Variants in WDR93 observed in about 807,000 individuals in gnomAD.
WDR93 encodes WD repeat domain 93, also known as WD repeat-containing protein 93.
WDR93 carries 73 observed loss-of-function variants against 82.9 expected under a neutral mutation model. That is an observed-to-expected ratio of 0.88 (90% CI 0.73 to 1.07). The LOEUF is 1.07. WDR93 is among the 50% of genes least tolerant of loss of function. The probability of loss-of-function intolerance (pLI) is 0.00; values close to 1 mark genes in which losing one functional copy is unlikely to be tolerated. For synonymous variants in WDR93, 283 were observed against 300.1 expected (o/e 0.94, Z 0.59); for missense variants, 738 against 826.0 (o/e 0.89, Z 1.31).
Position 89,733,215 on chromosome 15 carries a change from G to A in WDR93, c.1540G>A (p.Glu514Lys), listed in dbSNP as rs1385531332. The A allele has an allele frequency of 3.7e-6, 6 of 1,613,306 alleles. No homozygotes were observed. The highest frequency in any genetic ancestry group is 4.2e-6 in the Non-Finnish European group (5 of 1,179,540). ...TQGPTISVLV[E>K]RPVKHLDKTI... ...AGGACCCACCATCAGTGTGCTTGTT[G>A]AGAGGTCAGTAGCTTGAGGGTGGGA... Residue 514 changes from glutamate to lysine, a missense_variant, in exon 13 of 17, where the codon GAG becomes AAG. Physicochemically the swap from Glu to Lys is moderately conservative, Grantham distance 56. Coordinates refer to ENST00000268130, the MANE Select transcript of WDR93 (RefSeq NM_020212.2).
At chr15:89,693,809 C>T (rs896585930) in intron 1 of WDR93, among the ~76,000 whole-genome samples, 2 of 152,106 alleles carry the variant, frequency 1.3e-5, no homozygotes, top group Admixed American at 6.5e-5. Flanking sequence ...TTGTTTTGAC[C>T]TAAGGGCAAT....
At chr15:89,699,407 G>C (rs928094129) in intron 1 of WDR93, among the ~76,000 whole-genome samples, 1 of 139,200 alleles carries the variant, frequency 7.2e-6, no homozygotes, top group Non-Finnish European at 1.6e-5. Flanking sequence ...TTGTTCCTCT[G>C]TACATGGGAT....
chr15:89,691,394 A>C (rs12232350), intron 1 of WDR93, among the ~76,000 whole-genome samples: 97,623 of 152,130 alleles, frequency 0.64, 32,062 homozygotes, highest in Non-Finnish European at 0.71. Context: ...ACTCCGTGGC[A>C]GTAATTTTAT....
chr15:89,701,230 G>A (rs899609203), intron 1 of WDR93, among the ~76,000 whole-genome samples: 7 of 152,172 alleles, frequency 4.6e-5, no homozygotes, highest in South Asian at 2.1e-4. Flanking sequence ...CAGCAGCAGC[G>A]GGAAAGGAGA....
At chr15:89,737,764 C>A (rs1567132329) in intron 15 of WDR93, 35 bp downstream of exon 15, 4 of 1,612,590 alleles carry the variant, frequency 2.5e-6, no homozygotes, top group Non-Finnish European at 3.4e-6. Flanking sequence ...GCCCACTGAC[C>A]ATTTCCCTGA....
At chr15:89,730,439 C>T (rs975360029) in intron 11 of WDR93, among the ~76,000 whole-genome samples, 2 of 152,096 alleles carry the variant, frequency 1.3e-5, no homozygotes, top group African/African-American at 4.8e-5. Context: ...AGTCGCTTCA[C>T]ACCCCAACCC....
rs16974173 is a variant in WDR93 at position 89,702,982 on chromosome 15, C to T, written c.336C>T (p.Ser112=). Residue 112 remains serine, a synonymous_variant, in exon 3 of 17, where the codon TCC becomes TCT. Coordinates refer to ENST00000268130, the MANE Select transcript of WDR93 (RefSeq NM_020212.2). ...AAATGCCAAATTGTATGGCTGTTTC[C>T]CAAGACTATGTGTTTATTGGAGGAG... The part of the protein sequence containing the change: ...LNKMPNCMAV[S]QDYVFIGGAK... The T allele has an allele frequency of 9.3e-6, 15 of 1,613,952 alleles. No individual in the cohort carries two copies. In the South Asian group the frequency reaches 1.6e-4, roughly 18 times the overall value.
intron 16 of WDR93, among the ~76,000 whole-genome samples, chr15:89,738,456 G>A (rs1239279483): frequency 1.3e-5 from 2 of 151,760 alleles, no homozygotes; most frequent in African/African-American, 2.4e-5. Flanking sequence ...GTGAAACCCC[G>A]TCTCTATTAA....
intron 1 of WDR93, among the ~76,000 whole-genome samples, chr15:89,693,685 T>G (rs971208840): frequency 1.3e-5 from 2 of 152,222 alleles, no homozygotes; most frequent in Non-Finnish European, 2.9e-5. Flanking sequence ...GGTGGATCCC[T>G]GCCATTATCC....
At chr15:89,735,359 G>T in intron 13 of WDR93, 131 bp from the exon 14 acceptor site, 2 of 771,634 alleles carry the variant, frequency 2.6e-6, no homozygotes, top group Non-Finnish European at 2.1e-6. Flanking sequence ...TTAATTTTTT[G>T]CTACTATGAA....
At chr15:89,709,164 G>A (rs1596080406) in intron 4 of WDR93, among the ~76,000 whole-genome samples, 1 of 152,168 alleles carries the variant, frequency 6.6e-6, no homozygotes, top group Non-Finnish European at 1.5e-5. Context: ...GCAATGAAGA[G>A]GAAAAGGAAA....
chr15:89,706,015 C>T (rs1965710541), intron 4 of WDR93, among the ~76,000 whole-genome samples: 1 of 152,154 alleles, frequency 6.6e-6, no homozygotes, highest in Non-Finnish European at 1.5e-5. Flanking sequence ...ACCAAAATTT[C>T]CCCCATTCTT....
chr15:89,734,012 T>C (rs561503844), intron 13 of WDR93, among the ~76,000 whole-genome samples: 2,497 of 151,712 alleles, frequency 0.016, 63 homozygotes, highest in African/African-American at 0.055. Flanking sequence ...TGTGTGTGTG[T>C]GCGCGCGCGC....
At chr15:89,719,023 T>C (rs1220054277) in intron 7 of WDR93, among the ~76,000 whole-genome samples, 3 of 152,246 alleles carry the variant, frequency 2.0e-5, no homozygotes, top group African/African-American at 7.2e-5. Flanking sequence ...AGTGGCATCA[T>C]ACTGTATATA....
At chr15:89,736,398 G>C (rs75315116) in intron 14 of WDR93, among the ~76,000 whole-genome samples, 2,494 of 152,220 alleles carry the variant, frequency 0.016, 80 homozygotes, top group African/African-American at 0.057. Flanking sequence ...TGAAAATGTA[G>C]ATTCCATGCT....
At chr15:89,732,871 T>C in intron 12 of WDR93, 135 bp from the exon 13 acceptor site, 1 of 771,646 alleles carries the variant, frequency 1.3e-6, no homozygotes, top group Non-Finnish European at 2.2e-6. Flanking sequence ...TGATTTTCTC[T>C]CACAGGGTGC....
intron 14 of WDR93, among the ~76,000 whole-genome samples, 193 bp downstream of exon 14, chr15:89,735,746 G>C (rs1391715300): frequency 6.6e-6 from 1 of 152,244 alleles, no homozygotes; most frequent in African/African-American, 2.4e-5. Context: ...GGAAGACAGA[G>C]AAGTCACCAG....
chr15:89,700,925 A>G (rs1388873960), intron 1 of WDR93, among the ~76,000 whole-genome samples: 4 of 151,834 alleles, frequency 2.6e-5, no homozygotes, highest in Non-Finnish European at 5.9e-5. Context: ...TTATTTGTAT[A>G]CATATACAGA....
At chr15:89,700,994 AC>A in intron 1 of WDR93, among the ~76,000 whole-genome samples, 1 of 152,158 alleles carries the variant, frequency 6.6e-6, no homozygotes, top group African/African-American at 2.4e-5. Flanking sequence ...ACACACACAC[AC>A]ACACACACAC....
Sources: gnomAD v4.1 joint callset for allele counts (sites outside exome capture counted in the v4.1 genomes callset) on GRCh38, gnomAD v4.1.1 for gene constraint, MANE v1.5 for transcripts, NCBI Gene and HGNC (gene_info 2026-07-23, HGNC 2026-07-21) for gene names.